ARID1B: variants seen among roughly 807,000 people sequenced by gnomAD.
The protein encoded by ARID1B is AT-rich interactive domain-containing protein 1B.
Under a neutral mutation model 212.3 loss-of-function variants are expected in ARID1B, and 30 were observed. The ratio of observed to expected loss-of-function variants is 0.14; its 90% CI spans 0.11 to 0.19. The LOEUF (loss-of-function observed/expected upper bound fraction) is 0.19. ARID1B is among the 10% of genes least tolerant of loss of function. ARID1B has a pLI of 1.00. For missense variants in ARID1B, 2,891 were observed against 3,204.0 expected (o/e 0.90, Z 2.36); for synonymous variants, 1,402 against 1,301.7 (o/e 1.08, Z -1.66).
At chr6:157,070,333 A>G (rs1305642140) in intron 4 of ARID1B, among the ~76,000 whole-genome samples, 1 of 152,088 alleles carries the variant, frequency 6.6e-6, no homozygotes, top group Non-Finnish European at 1.5e-5. Flanking sequence ...AAAAATCTAT[A>G]TTGGAATTAT....
At chr6:156,796,401 CTT>C (rs11449405) in intron 1 of ARID1B, among the ~76,000 whole-genome samples, 10 of 142,222 alleles carry the variant, frequency 7.0e-5, no homozygotes, top group Admixed American at 1.4e-4. Flanking sequence ...TGGACCTTTA[CTT>C]TTTTTTTTTT....
At chr6:157,074,950 A>G (rs761503736) in intron 4 of ARID1B, among the ~76,000 whole-genome samples, 3 of 151,834 alleles carry the variant, frequency 2.0e-5, no homozygotes, top group South Asian at 2.1e-4. Flanking sequence ...TATTGATACT[A>G]TTTTCTTTAT....
chr6:156,893,411 A>G (rs1363808794), intron 2 of ARID1B, among the ~76,000 whole-genome samples: 1 of 152,218 alleles, frequency 6.6e-6, no homozygotes, highest in Non-Finnish European at 1.5e-5. Context: ...AGCATAGGCA[A>G]CAAAAGAAAG....
chr6:156,984,184 A>G (rs1415557626), intron 4 of ARID1B, among the ~76,000 whole-genome samples: 1 of 152,042 alleles, frequency 6.6e-6, no homozygotes. Context: ...AACCTTGGAG[A>G]TGGGAAACAG....
At chr6:156,957,725 C>T (rs1794073173) in intron 4 of ARID1B, among the ~76,000 whole-genome samples, 2 of 151,936 alleles carry the variant, frequency 1.3e-5, no homozygotes, top group South Asian at 4.1e-4. Context: ...CAAATAATTT[C>T]ATAGTTAGAA....
chr6:156,791,130 C>T lies in ARID1B; in HGVS notation c.1791+11659C>T, dbSNP rs544666284. On this transcript the variant is annotated intron_variant, in intron 1 of 19. Coordinates refer to ENST00000636930, the MANE Select transcript of ARID1B (RefSeq NM_001374828.1). ...TTCATGCTTCATGGAAAAACTAATG[C>T]AAAGAAGTTGTAATCAGCTGTTAAG... 4.9e-4 allele frequency among the ~76,000 whole-genome samples: 74 copies of T among 152,248 alleles called. 1 individual carries two copies. Among genetic ancestry groups the T allele is most frequent in the Admixed American group, 4.7e-3 (72 of 15,300 alleles).
chr6:156,959,531 C>T (rs768187402), intron 4 of ARID1B, among the ~76,000 whole-genome samples: 1 of 151,412 alleles, frequency 6.6e-6, no homozygotes. Context: ...TTGCTTAATT[C>T]GGTCTGTTTA....
chr6:157,059,839 G>A lies in ARID1B; in HGVS notation c.2248-24823G>A, dbSNP rs797021654. Among the ~76,000 whole-genome samples, 20 of 152,314 alleles carry A rather than the reference G, an allele frequency of 1.3e-4. 2 individuals carry two copies. Among genetic ancestry groups the A allele is most frequent in the African/African-American group, 4.8e-4 (20 of 41,566 alleles). On this transcript the variant is annotated intron_variant, in intron 4 of 19. Transcript: ENST00000636930. ...TTCAGAATTTACAAAATGCTTTCTA[G>A]GAGTTTAAATGAGATAGAATGCATT... is the stretch of plus-strand genomic sequence containing the variant.
chr6:156,969,532 A>G (rs1480610204), intron 4 of ARID1B, among the ~76,000 whole-genome samples: 1 of 152,174 alleles, frequency 6.6e-6, no homozygotes, highest in Non-Finnish European at 1.5e-5. Context: ...AGCCACATTT[A>G]TTTGCATTTA....
intron 4 of ARID1B, among the ~76,000 whole-genome samples, chr6:157,061,240 A>G (rs1783323737): frequency 6.6e-6 from 1 of 152,140 alleles, no homozygotes; most frequent in Non-Finnish European, 1.5e-5. Context: ...CTGCATTTGA[A>G]TTTACATTTG....
rs189429069 is a variant in ARID1B, at chr6:157,113,607, G to A, written c.2581+3046G>A. Among the ~76,000 whole-genome samples, 7 of 152,208 alleles carry A rather than the reference G, an allele frequency of 4.6e-5. No individual in the cohort carries two copies. In the South Asian group the frequency reaches 6.2e-4, roughly 14 times the overall value. On this transcript the variant is annotated intron_variant, in intron 6 of 19. Coordinates refer to ENST00000636930, the MANE Select transcript of ARID1B (RefSeq NM_001374828.1). ...TCTCATGAGGTAGCACTAGGGGGAC[G>A]GTGCTAAACCGCTAGAAACCACCCC...
At chr6:156,912,138 A>G (rs1056558214) in intron 3 of ARID1B, among the ~76,000 whole-genome samples, 2 of 152,188 alleles carry the variant, frequency 1.3e-5, no homozygotes, top group African/African-American at 2.4e-5. Flanking sequence ...CCATTATACA[A>G]TGTAAGGAAT....
chr6:156,806,104 C>G (rs1781135832), intron 1 of ARID1B, among the ~76,000 whole-genome samples: 1 of 152,124 alleles, frequency 6.6e-6, no homozygotes. Flanking sequence ...ATGGTGGGTC[C>G]CAAAATCATA....
chr6:156,789,991 C>T (rs1779907044), intron 1 of ARID1B, among the ~76,000 whole-genome samples: 2 of 152,176 alleles, frequency 1.3e-5, no homozygotes, highest in Admixed American at 1.3e-4. Context: ...GTTAATTTAA[C>T]AAGTTACTTA....
At position 157,172,062 on chromosome 6, in the gene ARID1B, T is replaced by C. The variant is rs2295122; in HGVS notation, c.3236-1946T>C. Among the ~76,000 whole-genome samples, 416 of 152,356 alleles carry C rather than the reference T, an allele frequency of 2.7e-3. 16 individuals are homozygous for C. The East Asian group carries it at 0.077, about 28-fold the overall frequency. ...CTGGAATTGTTTTGGCTGTCATTCC[T>C]TTGAACCCGCTCTGAATCAACTAGC... On this transcript the variant is annotated intron_variant, in intron 9 of 19. Coordinates refer to ENST00000636930, the MANE Select transcript of ARID1B (RefSeq NM_001374828.1).
intron 4 of ARID1B, among the ~76,000 whole-genome samples, chr6:156,991,562 T>A (rs1301231543): frequency 6.6e-6 from 1 of 152,198 alleles, no homozygotes; most frequent in Non-Finnish European, 1.5e-5. Flanking sequence ...ATTGTCTATG[T>A]TATTGTACCA....
At chr6:157,059,089 A>G (rs1044323218) in intron 4 of ARID1B, among the ~76,000 whole-genome samples, 26 of 151,940 alleles carry the variant, frequency 1.7e-4, no homozygotes, top group African/African-American at 5.8e-4. Flanking sequence ...TGATAAAAAT[A>G]TATTCATTTA....
intron 4 of ARID1B, among the ~76,000 whole-genome samples, chr6:157,043,955 T>C (rs976608122): frequency 1.3e-5 from 2 of 152,218 alleles, no homozygotes; most frequent in African/African-American, 4.8e-5. Flanking sequence ...CAAACAAATA[T>C]CTATGGGATA....
Position 156,822,297 on chromosome 6 carries a change from G to T in ARID1B, c.1792-6930G>T, listed in dbSNP as rs376374828. ...TGTTAGTTCAAGTCTTAATAAGCAG[G>T]CAGTGTTTTGTTGTGAGTTGAAGTA... is the stretch of plus-strand genomic sequence containing the variant. On this transcript the variant is annotated intron_variant, in intron 1 of 19. Transcript: ENST00000636930. 3.5e-4 allele frequency among the ~76,000 whole-genome samples: 53 copies of T among 152,364 alleles called. No homozygotes were observed. In the South Asian group the frequency reaches 9.7e-3, roughly 28 times the overall value.
Sources: allele counts gnomAD v4.1 joint callset (sites outside exome capture counted in the v4.1 genomes callset), GRCh38; gene constraint gnomAD v4.1.1; transcripts MANE v1.5; gene names NCBI Gene and HGNC (gene_info 2026-07-23, HGNC 2026-07-21).